Variants in ARID4B observed in about 807,000 individuals in gnomAD.
ARID4B encodes the protein AT-rich interactive domain-containing protein 4B.
ARID4B carries 26 observed loss-of-function variants against 147.5 expected under a neutral mutation model. That is an observed-to-expected ratio of 0.18 (90% CI 0.13 to 0.24). ARID4B has a LOEUF of 0.24. ARID4B is among the 10% of genes least tolerant of loss of function. ARID4B has a pLI of 1.00. For missense variants in ARID4B, 1,179 were observed against 1,511.5 expected, an observed-to-expected ratio of 0.78 and a Z score of 3.65; for synonymous variants, 512 against 507.9, an observed-to-expected ratio of 1.01 and a Z score of -0.11.
At chr1:235,201,844 A>G (rs1396290611) in intron 17 of ARID4B, among the ~76,000 whole-genome samples, 1 of 152,024 alleles carries the variant, frequency 6.6e-6, no homozygotes, top group Non-Finnish European at 1.5e-5. Flanking sequence ...AGACTGCACT[A>G]CTGCACTCCA....
At chr1:235,311,542 G>C (rs1023441484) in intron 2 of ARID4B, among the ~76,000 whole-genome samples, 1 of 152,042 alleles carries the variant, frequency 6.6e-6, no homozygotes, top group Non-Finnish European at 1.5e-5. Context: ...GGGAGGTCGA[G>C]GCAGGCAGAT....
At chr1:235,204,765 G>A (rs972079033) in intron 17 of ARID4B, among the ~76,000 whole-genome samples, 1 of 152,196 alleles carries the variant, frequency 6.6e-6, no homozygotes, top group East Asian at 1.9e-4. Flanking sequence ...TATGGAATTA[G>A]TTATTTGTGC....
chr1:235,285,500 TA>T (rs1477726156), intron 2 of ARID4B, among the ~76,000 whole-genome samples: 2 of 152,172 alleles, frequency 1.3e-5, no homozygotes, highest in African/African-American at 4.8e-5. Flanking sequence ...AATCTGCAAC[TA>T]ACATTATACT....
Position 235,182,753 on chromosome 1 carries a change from C to G in ARID4B, c.2166G>C (p.Glu722Asp), listed in dbSNP as rs374067898. 176 of 1,604,376 alleles carry G rather than the reference C, an allele frequency of 1.1e-4. No homozygotes were observed. Among genetic ancestry groups the G allele is most frequent in the Non-Finnish European group, 1.5e-4 (173 of 1,175,992 alleles). Residue 722 changes from glutamate to aspartate, a missense_variant, in exon 20 of 24, where the codon GAG becomes GAC. Around this residue, in one of 10 missense-constraint regions of ARID4B, gnomAD observed 321 missense variants for 342.4 expected, o/e 0.94. Coordinates refer to ENST00000264183, the MANE Select transcript of ARID4B (RefSeq NM_016374.6). The stretch of plus-strand genomic sequence containing the variant: ...TATTATCCATGTCTTGAGCACCTCT[C>G]TCATCTTCCTGCTCACTGTCTTCAG... The part of the protein sequence containing the change: ...SSAEDSEQED[E>D]RGAQDMDNNG...
intron 2 of ARID4B, among the ~76,000 whole-genome samples, chr1:235,301,733 A>G (rs1330015943): frequency 7.0e-6 from 1 of 142,794 alleles, no homozygotes; most frequent in African/African-American, 2.7e-5. Flanking sequence ...TTTTTTTGTG[A>G]GATGCAGTCT....
Position 235,177,785 on chromosome 1 carries a change from A to G in ARID4B, c.3448+15T>C. The G allele has an allele frequency of 6.6e-7, 1 of 1,523,234 alleles. No homozygotes were observed. The highest frequency in any genetic ancestry group is 9.0e-7 in the Non-Finnish European group (1 of 1,111,510). The allele number at this position is 1,523,234 out of a possible 1,614,324, so 94.4% of individuals were successfully genotyped here. Reference sequence around the variant, plus strand: ...ATTATTTTTATATTTTAAAAATTAGAGATTTCACACTTACTGCCTTTTCCC... The same window carrying G: ...ATTATTTTTATATTTTAAAAATTAGGGATTTCACACTTACTGCCTTTTCCC... On this transcript the variant is annotated intron_variant, in intron 21 of 23. Coordinates refer to ENST00000264183, the MANE Select transcript of ARID4B (RefSeq NM_016374.6).
rs768992065 is a variant in ARID4B at position 235,182,201 on chromosome 1, A to C, written c.2718T>G (p.Ile906Met). Residue 906 changes from isoleucine to methionine, a missense_variant, in exon 20 of 24, where the codon ATT becomes ATG. Transcript: ENST00000264183. Reference protein sequence around the residue: ...SGFSEVAEKRIKLLNNSDERL... With the variant: ...SGFSEVAEKRMKLLNNSDERL... Reference sequence around the variant, plus strand: ...TTTCATCAGAGTTATTTAAAAGTTTAATCCTTTTTTCTGCCACTTCTGAAA... The same window carrying C: ...TTTCATCAGAGTTATTTAAAAGTTTCATCCTTTTTTCTGCCACTTCTGAAA... The C allele has an allele frequency of 1.9e-6, 3 of 1,613,592 alleles. No individual in the cohort carries two copies. The highest frequency in any genetic ancestry group is 2.5e-6 in the Non-Finnish European group (3 of 1,179,910).
chr1:235,179,115 AT>A (rs1664096063), intron 20 of ARID4B, among the ~76,000 whole-genome samples: 1 of 152,196 alleles, frequency 6.6e-6, no homozygotes, highest in South Asian at 2.1e-4. Context: ...TGTAGAGTAA[AT>A]TAAGAGGAAA....
At chr1:235,312,896 C>T (rs1674163742) in intron 2 of ARID4B, among the ~76,000 whole-genome samples, 1 of 152,110 alleles carries the variant, frequency 6.6e-6, no homozygotes, top group South Asian at 2.1e-4. Flanking sequence ...TCGTTTGAAC[C>T]TAGGAGGCGG....
At chr1:235,294,456 G>A (rs1189873262) in intron 2 of ARID4B, among the ~76,000 whole-genome samples, 9 of 88,254 alleles carry the variant, frequency 1.0e-4, no homozygotes, top group South Asian at 5.3e-4. Context: ...CAATTCTCCC[G>A]CTTGAACCCA....
chr1:235,313,431 T>G (rs892698157), intron 2 of ARID4B, among the ~76,000 whole-genome samples: 33 of 152,244 alleles, frequency 2.2e-4, no homozygotes, highest in African/African-American at 7.2e-4. Context: ...CTTGTTCAGC[T>G]TTTTTTAACT....
chr1:235,207,863 A>G (rs1666423919), intron 17 of ARID4B, among the ~76,000 whole-genome samples: 1 of 152,244 alleles, frequency 6.6e-6, no homozygotes, highest in African/African-American at 2.4e-5. Flanking sequence ...AATATTTTTT[A>G]AATGTAACAC....
chr1:235,319,710 A>T (rs952593423), intron 2 of ARID4B, among the ~76,000 whole-genome samples: 19 of 152,086 alleles, frequency 1.2e-4, no homozygotes, highest in African/African-American at 4.1e-4. Context: ...AGACTTTTTT[A>T]AAAAAAGGGA....
intron 2 of ARID4B, among the ~76,000 whole-genome samples, chr1:235,298,515 T>C (rs563521320): frequency 4.0e-5 from 6 of 148,342 alleles, no homozygotes; most frequent in Non-Finnish European, 5.9e-5. Flanking sequence ...TATATGAATA[T>C]AACGTATATT....
At chr1:235,170,775 T>C (rs1481058979) in intron 23 of ARID4B, among the ~76,000 whole-genome samples, 2 of 151,694 alleles carry the variant, frequency 1.3e-5, no homozygotes, top group Middle Eastern at 3.2e-3. Context: ...TAGCTGGGCA[T>C]GGCGGCACGC....
At chr1:235,319,284 A>G (rs1674653626) in intron 2 of ARID4B, among the ~76,000 whole-genome samples, 1 of 152,260 alleles carries the variant, frequency 6.6e-6, no homozygotes, top group Non-Finnish European at 1.5e-5. Flanking sequence ...TGGTAGGCCA[A>G]GATGGGAGGA....
At chr1:235,290,529 A>G (rs887754239) in intron 2 of ARID4B, among the ~76,000 whole-genome samples, 104 of 152,328 alleles carry the variant, frequency 6.8e-4, no homozygotes, top group African/African-American at 2.3e-3. Context: ...TAATATATGT[A>G]CAAAGTTACC....
intron 17 of ARID4B, among the ~76,000 whole-genome samples, chr1:235,211,564 C>T (rs1166224826): frequency 6.6e-6 from 1 of 152,068 alleles, no homozygotes; most frequent in East Asian, 1.9e-4. Context: ...AGTAATTATT[C>T]GTTTTTGCTA....
intron 19 of ARID4B, among the ~76,000 whole-genome samples, chr1:235,183,665 T>A (rs1352766575): frequency 6.6e-6 from 1 of 152,148 alleles, no homozygotes; most frequent in East Asian, 1.9e-4. Context: ...GATTCCTGAG[T>A]AGCTGGGATC....
Sources: gnomAD v4.1 joint callset for allele counts (sites outside exome capture counted in the v4.1 genomes callset) on GRCh38, gnomAD v4.1.1 for gene constraint, gnomAD v4.1.1 regional missense constraint, MANE v1.5 for transcripts, NCBI Gene and HGNC (gene_info 2026-07-23, HGNC 2026-07-21) for gene names.